Variants in VPS16 observed in about 807,000 individuals in gnomAD.
The protein encoded by VPS16 is VPS16 core subunit of CORVET and HOPS complexes.
In VPS16, 82 loss-of-function variants were observed where a neutral mutation model predicts 116.0. The observed-to-expected ratio is 0.71, with a 90% confidence interval of 0.59 to 0.85. The LOEUF (loss-of-function observed/expected upper bound fraction) is 0.85. Among genes scored for constraint, VPS16 ranks in the 40% least tolerant of loss-of-function variants. The pLI, the probability that VPS16 is intolerant of heterozygous loss-of-function variation, is 0.00. For synonymous variants in VPS16, 406 were observed against 420.7 expected (o/e 0.96, Z 0.43); for missense variants, 928 against 1,090.6 (o/e 0.85, Z 2.10).
In VPS16 at chr20:2,863,491, G is replaced by A. The variant is rs780854962; in HGVS notation, c.1476+93G>A. 3.3e-5 allele frequency: 42 copies of A among 1,285,814 alleles called. No individual in the cohort carries two copies. Among genetic ancestry groups the A allele is most frequent in the African/African-American group, 2.6e-4 (18 of 68,430 alleles). 79.7% of individuals were successfully genotyped at this position (1,285,814 alleles called of 1,614,324 possible). A position where few individuals can be genotyped will look rare whatever the true frequency, so the allele number is the denominator to read the frequency against. On this transcript the variant is annotated intron_variant, in intron 15 of 23. Transcript: ENST00000380445. This position sits in a 1 kb window ranked among gnomAD's most constrained non-coding sequence, Gnocchi z 4.4. ...GAAAGTGTAGAACTGCGCTGGGCAC[G>A]GTGGCTCATGCCTGTAATCCCAACA...
At chr20:2,853,043 C>T (rs921699990) in intron 1 of VPS16, among the ~76,000 whole-genome samples, 4 of 152,190 alleles carry the variant, frequency 2.6e-5, no homozygotes, top group African/African-American at 9.7e-5. Context: ...ATGTAATACT[C>T]CGAATCCTTT....
intron 8 of VPS16, 135 bp downstream of exon 8, chr20:2,861,415 A>G (rs2089226329): frequency 6.9e-7 from 1 of 1,448,188 alleles, no homozygotes; most frequent in Non-Finnish European, 9.5e-7. Flanking sequence ...GCCATTGCAC[A>G]CTTGAAGGAA....
chr20:2,852,321 C>T (rs558637393), intron 1 of VPS16, among the ~76,000 whole-genome samples: 13 of 152,148 alleles, frequency 8.5e-5, no homozygotes, highest in Non-Finnish European at 1.3e-4. Flanking sequence ...TTAACATGCT[C>T]ACTATAAAGG....
Position 2,862,925 on chromosome 20 carries a change from C to T in VPS16, c.1322C>T (p.Thr441Ile). ...VRDYHIGIPL[T>I]YSQYKQLTIQ... The stretch of plus-strand genomic sequence containing the variant: ...GACTATCACATCGGGATCCCGCTCA[C>T]CTATAGCCAGTATCCCTGTGCACGC... Residue 441 changes from threonine (T) to isoleucine (I), a missense_variant, in exon 13 of 24, where the codon ACC becomes ATC. Coordinates refer to ENST00000380445, the MANE Select transcript of VPS16 (RefSeq NM_022575.4). 1.2e-6 allele frequency: 2 copies of T among 1,614,012 alleles called. No individual in the cohort carries two copies. The highest frequency in any genetic ancestry group is 1.7e-6 in the Non-Finnish European group (2 of 1,179,942).
chr20:2,861,760 C>G (rs1183398731), intron 9 of VPS16, 45 bp from the exon 10 acceptor site: 2 of 1,611,360 alleles, frequency 1.2e-6, no homozygotes, highest in Non-Finnish European at 1.7e-6. Flanking sequence ...GTTCACCTGC[C>G]CCGTCCCATC....
chr20:2,842,672 C>G (rs2088995614), intron 1 of VPS16, among the ~76,000 whole-genome samples: 1 of 139,372 alleles, frequency 7.2e-6, no homozygotes, highest in South Asian at 2.2e-4. Flanking sequence ...ATAGATGTAT[C>G]TATATATATA....
intron 1 of VPS16, among the ~76,000 whole-genome samples, chr20:2,854,432 AAAAACAAAAC>A (rs1183048931): frequency 6.6e-6 from 1 of 152,034 alleles, no homozygotes; most frequent in Non-Finnish European, 1.5e-5. Context: ...ATGTCTTTCT[AAAAACAAAAC>A]AAAACAAAAC....
At chr20:2,845,519 CT>C (rs201928172) in intron 1 of VPS16, among the ~76,000 whole-genome samples, 2,683 of 150,306 alleles carry the variant, frequency 0.018, 36 homozygotes, top group Non-Finnish European at 0.029. Flanking sequence ...TAAACATGAA[CT>C]TTTTTTTCAA....
intron 8 of VPS16, 131 bp downstream of exon 8, chr20:2,861,411 G>T: frequency 6.8e-7 from 1 of 1,461,064 alleles, no homozygotes; most frequent in Non-Finnish European, 9.4e-7. Context: ...CTCTGCCATT[G>T]CACACTTGAA....
chr20:2,842,678 A>AGATAGATACATCTGGATG lies in VPS16; in HGVS notation c.53+1851_53+1852insGATAGATACATCTGGATG, dbSNP rs1352506165. 1.5e-4 allele frequency among the ~76,000 whole-genome samples: 21 copies of AGATAGATACATCTGGATG among 141,944 alleles called. 1 individual carries two copies. Among genetic ancestry groups the AGATAGATACATCTGGATG allele is most frequent in the African/African-American group, 5.6e-4 (20 of 35,924 alleles). The allele number at this position is 141,944 out of a possible 152,430, so 93.1% of individuals were successfully genotyped here. ...GATAGATATATAGATGTATCTATAT[A>AGATAGATACATCTGGATG]TATATAGATACATCTAGATGTATCT... On this transcript the variant is annotated intron_variant, in intron 1 of 23. Transcript: ENST00000380445.
intron 1 of VPS16, among the ~76,000 whole-genome samples, chr20:2,846,279 G>A (rs185876585): frequency 4.8e-4 from 73 of 152,046 alleles, no homozygotes; most frequent in Admixed American, 4.6e-3. Flanking sequence ...ACTGTGCCTG[G>A]CTAATTTTTG....
In VPS16 at chr20:2,862,848, C is replaced by G. The variant is rs757926126; in HGVS notation, c.1245C>G (p.Pro415=). ...AGTGTTTCCTGGACAGATTTCCACC[C>G]GACAGCTTCGTGCACATGTGTCAGG... The part of the protein sequence containing the change: ...FGKCFLDRFP[P]DSFVHMCQDL... Residue 415 remains proline (P), a synonymous_variant, in exon 13 of 24, where the codon CCC becomes CCG. Coordinates refer to ENST00000380445, the MANE Select transcript of VPS16 (RefSeq NM_022575.4). 1 of 1,613,974 alleles carries G rather than the reference C, an allele frequency of 6.2e-7. No homozygotes were observed. The highest frequency in any genetic ancestry group is 1.3e-5 in the African/African-American group (1 of 74,904).
At position 2,842,694 on chromosome 20, in the gene VPS16, A is replaced by AGATGTATCTATATATAGATAGACATATG. The variant is rs1568620586; in HGVS notation, c.53+1879_53+1906dup. Among the ~76,000 whole-genome samples the AGATGTATCTATATATAGATAGACATATG allele has an allele frequency of 6.6e-5, 9 of 136,302 alleles. No homozygotes were observed. In the East Asian group the frequency reaches 1.5e-3, roughly 23 times the overall value. The allele number at this position is 136,302 out of a possible 152,430, so 89.4% of individuals were successfully genotyped here. ...TATCTATATATATATAGATACATCT[A>AGATGTATCTATATATAGATAGACATATG]GATGTATCTATATATAGATAGACAT... On this transcript the variant is annotated intron_variant, in intron 1 of 23. Coordinates refer to ENST00000380445, the MANE Select transcript of VPS16 (RefSeq NM_022575.4).
At chr20:2,859,994 C>G in intron 2 of VPS16, 60 bp from the exon 3 acceptor site, 5 of 1,602,288 alleles carry the variant, frequency 3.1e-6, no homozygotes, top group Non-Finnish European at 4.3e-6. Flanking sequence ...GGATGTGAGG[C>G]CTGCTTCACA....
At chr20:2,854,807 AG>A (rs2089156360) in intron 1 of VPS16, among the ~76,000 whole-genome samples, 1 of 132,448 alleles carries the variant, frequency 7.6e-6, no homozygotes, top group African/African-American at 3.1e-5. Flanking sequence ...AAAAAAAAAA[AG>A]AAAGAAAGAA....
intron 1 of VPS16, among the ~76,000 whole-genome samples, chr20:2,850,350 C>T (rs553882643): frequency 2.6e-5 from 4 of 151,182 alleles, no homozygotes; most frequent in East Asian, 3.9e-4. Flanking sequence ...ACAAAAAGGC[C>T]GGATGCAGTG....
intron 1 of VPS16, among the ~76,000 whole-genome samples, chr20:2,853,024 A>C (rs1193826240): frequency 6.6e-6 from 1 of 152,230 alleles, no homozygotes; most frequent in Non-Finnish European, 1.5e-5. Flanking sequence ...TGCTTTATTA[A>C]CTAAGTATAT....
Position 2,862,810 on chromosome 20 carries a change from G to T in VPS16, c.1207G>T (p.Ala403Ser), listed in dbSNP as rs151308451. Residue 403 changes from alanine (A) to serine (S), a missense_variant, in exon 13 of 24, where the codon GCC becomes TCC. Physicochemically the swap from Ala to Ser is moderately conservative, Grantham distance 99. Coordinates refer to ENST00000380445, the MANE Select transcript of VPS16 (RefSeq NM_022575.4). Reference sequence around the variant, plus strand: ...ATCGCCCTCTGGCTCTTCTCAGGCCGCCTCCTTCGGAAAGTGTTTCCTGGA... The same window carrying T: ...ATCGCCCTCTGGCTCTTCTCAGGCCTCCTCCTTCGGAAAGTGTTTCCTGGA... ...PDMQKSLLRA[A>S]SFGKCFLDRF... 4 of 1,613,966 alleles carry T rather than the reference G, an allele frequency of 2.5e-6. No homozygotes were observed. The highest frequency in any genetic ancestry group is 3.4e-6 in the Non-Finnish European group (4 of 1,180,016).
intron 1 of VPS16, among the ~76,000 whole-genome samples, chr20:2,853,765 C>T (rs568206503): frequency 5.3e-4 from 81 of 152,130 alleles, no homozygotes; most frequent in African/African-American, 1.5e-3. Context: ...CTCCGTCTCC[C>T]GGGTTCAAGC....
Sources: gnomAD v4.1 joint callset for allele counts (sites outside exome capture counted in the v4.1 genomes callset) on GRCh38, gnomAD v4.1.1 for gene constraint, Gnocchi (gnomAD v3.1) non-coding constraint, MANE v1.5 for transcripts, NCBI Gene and HGNC (gene_info 2026-07-23, HGNC 2026-07-21) for gene names.